The following EXOC1 variants were observed in gnomAD, a reference collection of about 807,000 sequenced individuals.
EXOC1 encodes SEC3-like 1.
In EXOC1, 67 loss-of-function variants were observed where a neutral mutation model predicts 107.7. The observed-to-expected ratio is 0.62, with a 90% CI of 0.51 to 0.76. The LOEUF (loss-of-function observed/expected upper bound fraction) is 0.76. EXOC1 is among the 30% of genes least tolerant of loss of function. The pLI is 0.00. For synonymous variants in EXOC1, 348 were observed against 353.5 expected (o/e 0.98, Z 0.17); for missense variants, 833 against 1,055.7 (o/e 0.79, Z 2.92).
intron 1 of EXOC1, among the ~76,000 whole-genome samples, chr4:55,855,529 G>C (rs985376381): frequency 6.6e-6 from 1 of 152,094 alleles, no homozygotes; most frequent in Non-Finnish European, 1.5e-5. Context: ...ATTAAGACAT[G>C]GTCCTACTTT....
chr4:55,863,744 A>G (rs1009151801), intron 3 of EXOC1, among the ~76,000 whole-genome samples: 4 of 152,256 alleles, frequency 2.6e-5, no homozygotes, highest in African/African-American at 9.6e-5. Context: ...TAGAAAGTAC[A>G]CCAGGATATA....
At chr4:55,882,635 C>T (rs900916650) in intron 9 of EXOC1, 1 of 152,048 alleles carries the variant, frequency 6.6e-6, no homozygotes, top group Non-Finnish European at 1.5e-5. Context: ...AGGACAGGAT[C>T]TATATATATT....
intron 13 of EXOC1, among the ~76,000 whole-genome samples, chr4:55,892,126 A>G (rs1481245815): frequency 1.3e-5 from 2 of 152,254 alleles, no homozygotes; most frequent in Admixed American, 6.5e-5. Context: ...GAAATGGATT[A>G]TGATAAATGG....
At chr4:55,857,397 T>C (rs1191121048) in intron 1 of EXOC1, among the ~76,000 whole-genome samples, 2 of 151,870 alleles carry the variant, frequency 1.3e-5, no homozygotes, top group African/African-American at 4.8e-5. Flanking sequence ...CTCGATCTCC[T>C]GACCTCTTGA....
chr4:55,877,469 T>C (rs1047211241), intron 8 of EXOC1: 2 of 985,114 alleles, frequency 2.0e-6, no homozygotes, highest in African/African-American at 1.7e-5. Flanking sequence ...TCTACTTTTT[T>C]TTATCTGTTG....
chr4:55,859,861 G>T (rs553950785), intron 2 of EXOC1, among the ~76,000 whole-genome samples: 1 of 152,264 alleles, frequency 6.6e-6, no homozygotes, highest in African/African-American at 2.4e-5. Flanking sequence ...ATGATAAATT[G>T]ACTTTTTAGA....
chr4:55,875,905 T>C (rs1253645280), intron 8 of EXOC1: 1 of 906,932 alleles, frequency 1.1e-6, no homozygotes, highest in African/African-American at 1.8e-5. Flanking sequence ...TCTCTATTAA[T>C]AAAAATAAAT....
At chr4:55,854,771 C>T (rs1020761396) in intron 1 of EXOC1, among the ~76,000 whole-genome samples, 1 of 152,182 alleles carries the variant, frequency 6.6e-6, no homozygotes, top group Non-Finnish European at 1.5e-5. Flanking sequence ...ATGTGGTAAA[C>T]GTTGGTCCCT....
At chr4:55,878,465 C>T (rs1255777658) in intron 9 of EXOC1, among the ~76,000 whole-genome samples, 1 of 152,128 alleles carries the variant, frequency 6.6e-6, no homozygotes, top group Non-Finnish European at 1.5e-5. Flanking sequence ...TCCACTATTC[C>T]AGGCACCTGG....
intron 5 of EXOC1, 64 bp downstream of exon 5, chr4:55,868,587 CAT>C (rs1179929331): frequency 2.1e-6 from 3 of 1,438,524 alleles, no homozygotes; most frequent in Non-Finnish European, 2.9e-6. Flanking sequence ...TAATGATGTT[CAT>C]ATTATACTAC....
Position 55,858,294 on chromosome 4 carries a change from C to A in EXOC1, c.-10-20C>A. ...ATGATGTTGAGGGTGAGCTTAATATCTATACTCCACATTTTTCAGCTGAGA... is the reference window on the plus strand; with the variant it reads ...ATGATGTTGAGGGTGAGCTTAATATATATACTCCACATTTTTCAGCTGAGA... On this transcript the variant is annotated intron_variant, in intron 1 of 18. Coordinates refer to ENST00000381295, the MANE Select transcript of EXOC1 (RefSeq NM_001024924.2). 6.3e-7 allele frequency: 1 copy of A among 1,587,246 alleles called. No homozygotes were observed.
At chr4:55,856,280 CAG>C (rs890616330) in intron 1 of EXOC1, among the ~76,000 whole-genome samples, 3 of 152,128 alleles carry the variant, frequency 2.0e-5, no homozygotes, top group African/African-American at 4.8e-5. Context: ...GGTCTACAAA[CAG>C]GGTGAAATAA....
At chr4:55,854,465 G>A (rs1720770759) in intron 1 of EXOC1, among the ~76,000 whole-genome samples, 1 of 151,916 alleles carries the variant, frequency 6.6e-6, no homozygotes, top group Non-Finnish European at 1.5e-5. Flanking sequence ...GGACCTCTAG[G>A]GATTTATTTA....
rs1225316276 is a variant in EXOC1 at position 55,868,469 on chromosome 4, G to A, written c.549G>A (p.Ser183=). The change falls in exon 5 of 19, where the codon TCG becomes TCA. Residue 183 remains serine, a synonymous_variant. Transcript: ENST00000381295. ...TGGAAGGCTGTGAATATGCAATCTC[G>A]AATGCGGAAGCCTTTGCAGAAAAAT... is the stretch of plus-strand genomic sequence containing the variant. ...IMMEGCEYAI[S]NAEAFAEKLS... is the part of the protein sequence containing the mutation. The A allele has an allele frequency of 4.3e-6, 7 of 1,613,724 alleles. No homozygotes were observed. The highest frequency in any genetic ancestry group is 4.0e-5 in the African/African-American group (3 of 74,916).
chr4:55,903,144 A>G (rs1374421258), intron 18 of EXOC1, among the ~76,000 whole-genome samples: 1 of 119,148 alleles, frequency 8.4e-6, no homozygotes, highest in African/African-American at 3.3e-5. Context: ...GCCGTGTCTC[A>G]ATTAAAAAAA....
At chr4:55,895,630 TG>T (rs759539847) in intron 15 of EXOC1, among the ~76,000 whole-genome samples, 3 of 152,236 alleles carry the variant, frequency 2.0e-5, no homozygotes, top group Admixed American at 1.3e-4. Flanking sequence ...AGGTAGAAGC[TG>T]AAATAATACA....
chr4:55,866,971 A>G (rs1287172004), intron 4 of EXOC1: 1 of 793,394 alleles, frequency 1.3e-6, no homozygotes, highest in Non-Finnish European at 1.5e-6. Context: ...TGTATGTTTT[A>G]TGAAATGATG....
chr4:55,874,896 G>A (rs1170068789), intron 8 of EXOC1, among the ~76,000 whole-genome samples: 1 of 152,118 alleles, frequency 6.6e-6, no homozygotes, highest in Non-Finnish European at 1.5e-5. Flanking sequence ...GGAAATATTT[G>A]CATAAAGAAT....
At chr4:55,857,074 C>T (rs976016646) in intron 1 of EXOC1, among the ~76,000 whole-genome samples, 2 of 151,030 alleles carry the variant, frequency 1.3e-5, no homozygotes, top group Admixed American at 6.6e-5. Context: ...TCATACAATA[C>T]GTGGTCTTTT....
Sources: allele counts gnomAD v4.1 joint callset (sites outside exome capture counted in the v4.1 genomes callset), GRCh38; gene constraint gnomAD v4.1.1; transcripts MANE v1.5; gene names NCBI Gene and HGNC (gene_info 2026-07-23, HGNC 2026-07-21).